Variants in WWOX observed in about 807,000 individuals in gnomAD.
The protein encoded by WWOX is WW domain-containing oxidoreductase.
A neutral mutation model predicts 46.2 loss-of-function variants in WWOX; 69 were observed. The ratio of observed to expected loss-of-function variants is 1.49; its 90% CI spans 1.23 to 1.82. The LOEUF is 1.82. Among genes scored for constraint, WWOX ranks in the 40% most tolerant of loss-of-function variants. The pLI is 0.00. For missense variants in WWOX, 919 were observed against 542.6 expected, an observed-to-expected ratio of 1.69 and a Z score of -6.89; for synonymous variants, 359 against 202.6, an observed-to-expected ratio of 1.77 and a Z score of -6.56.
chr16:78,446,375 C>T (rs920347566), intron 8 of WWOX, among the ~76,000 whole-genome samples: 29 of 152,146 alleles, frequency 1.9e-4, no homozygotes, highest in African/African-American at 5.8e-4. Flanking sequence ...CCTGAAGTCT[C>T]AGGTCCTTGT....
chr16:79,129,984 G>A (rs1037105683), intron 8 of WWOX, among the ~76,000 whole-genome samples: 1 of 152,192 alleles, frequency 6.6e-6, no homozygotes. Context: ...CTGTAAAATA[G>A]AGGTAATAAA....
At chr16:78,809,742 T>C (rs1422163287) in intron 8 of WWOX, among the ~76,000 whole-genome samples, 1 of 152,116 alleles carries the variant, frequency 6.6e-6, no homozygotes, top group East Asian at 1.9e-4. Flanking sequence ...GTCATGACAA[T>C]TTCTCAAAGC....
At chr16:79,075,629 T>G (rs2048641451) in intron 8 of WWOX, among the ~76,000 whole-genome samples, 1 of 152,042 alleles carries the variant, frequency 6.6e-6, no homozygotes, top group Admixed American at 6.6e-5. Flanking sequence ...CTTGGCTCAC[T>G]GCACCCTCCG....
intron 8 of WWOX, among the ~76,000 whole-genome samples, chr16:78,518,925 G>C (rs920108824): frequency 2.6e-5 from 4 of 152,176 alleles, no homozygotes; most frequent in African/African-American, 9.6e-5. Context: ...CATAGCTGTG[G>C]TCTTCTGAAG....
chr16:78,196,186 C>G lies in WWOX; in HGVS notation c.516+31897C>G, dbSNP rs77959059. Among the ~76,000 whole-genome samples the G allele has an allele frequency of 5.3e-5, 8 of 152,286 alleles. No individual in the cohort carries two copies. The East Asian group carries it at 1.5e-3, about 29-fold the overall frequency. ...AGAAAAGTTTAACTAGATGATTGTA[C>G]CTTTTAGCCATATCTACAATTAATT... On this transcript the variant is annotated intron_variant, in intron 5 of 8. Transcript: ENST00000566780.
intron 5 of WWOX, among the ~76,000 whole-genome samples, chr16:78,189,694 T>G (rs35072073): frequency 0.33 from 50,196 of 151,908 alleles, 8,472 homozygotes; most frequent in South Asian, 0.51. Flanking sequence ...TTGCTGTGTC[T>G]CCCAGGCTGG....
intron 8 of WWOX, among the ~76,000 whole-genome samples, chr16:79,162,174 A>G (rs2050499178): frequency 6.6e-6 from 1 of 152,174 alleles, no homozygotes; most frequent in Non-Finnish European, 1.5e-5. Flanking sequence ...TCTTGGCCCA[A>G]GAGATATTTT....
chr16:78,556,394 G>A (rs2044297664), intron 8 of WWOX, among the ~76,000 whole-genome samples: 2 of 152,182 alleles, frequency 1.3e-5, no homozygotes. Flanking sequence ...TGGGACTTGA[G>A]AGGAGCAGAG....
At chr16:78,103,092 C>T (rs2031904641) in intron 1 of WWOX, among the ~76,000 whole-genome samples, 2 of 152,138 alleles carry the variant, frequency 1.3e-5, no homozygotes, top group Admixed American at 1.3e-4. Context: ...CCTGCGCCTG[C>T]CTTCCTGCTG....
chr16:78,932,857 G>C (rs1337089467), intron 8 of WWOX, among the ~76,000 whole-genome samples: 1 of 152,176 alleles, frequency 6.6e-6, no homozygotes, highest in Non-Finnish European at 1.5e-5. Context: ...AGGTCATCTG[G>C]CCCAGCACCC....
chr16:78,318,210 A>C (rs1038841368), intron 5 of WWOX, among the ~76,000 whole-genome samples: 1 of 151,698 alleles, frequency 6.6e-6, no homozygotes, highest in Admixed American at 6.6e-5. Flanking sequence ...ACCATAATTA[A>C]ATGGCTGTGG....
chr16:78,963,202 C>G (rs1032376784), intron 8 of WWOX, among the ~76,000 whole-genome samples: 2 of 152,176 alleles, frequency 1.3e-5, no homozygotes, highest in African/African-American at 2.4e-5. Flanking sequence ...GGTGCAGTGG[C>G]TCACACCTGT....
At chr16:78,904,072 C>A (rs1354909441) in intron 8 of WWOX, among the ~76,000 whole-genome samples, 1 of 152,072 alleles carries the variant, frequency 6.6e-6, no homozygotes, top group Admixed American at 6.6e-5. Flanking sequence ...ACACCACGTA[C>A]AAAAGGGATC....
chr16:78,768,191 C>T (rs2049972686), intron 8 of WWOX, among the ~76,000 whole-genome samples: 1 of 141,898 alleles, frequency 7.0e-6, no homozygotes, highest in Admixed American at 7.6e-5. Flanking sequence ...CAAAGAAGTA[C>T]AGCCAGTATG....
intron 8 of WWOX, among the ~76,000 whole-genome samples, chr16:78,652,153 T>A (rs1272908860): frequency 6.6e-6 from 1 of 152,060 alleles, no homozygotes; most frequent in Non-Finnish European, 1.5e-5. Context: ...GGCTCACACC[T>A]GTAATCCCAG....
At chr16:79,208,119 C>G (rs1254442073) in intron 8 of WWOX, among the ~76,000 whole-genome samples, 1 of 152,076 alleles carries the variant, frequency 6.6e-6, no homozygotes, top group Non-Finnish European at 1.5e-5. Context: ...ACTCTTAATC[C>G]CAAACAAGAG....
chr16:78,250,379 T>C (rs1185175968), intron 5 of WWOX, among the ~76,000 whole-genome samples: 1 of 152,216 alleles, frequency 6.6e-6, no homozygotes, highest in Non-Finnish European at 1.5e-5. Flanking sequence ...GCCTTTGTTT[T>C]TTCCTCTGTA....
rs1220961423 is a variant in WWOX, at chr16:78,509,938, AAAAG to A, written c.1056+77194_1056+77197del. Among the ~76,000 whole-genome samples, 26 of 150,996 alleles carry A rather than the reference AAAAG, an allele frequency of 1.7e-4. 2 individuals carry two copies. Among genetic ancestry groups the A allele is most frequent in the Admixed American group, 1.1e-3 (17 of 15,140 alleles). ...CCTCATCTCTTTAAAAAAAAAAAAA[AAAAG>A]AAAGAAAAATTAGCTGGCATGGTGG... is the stretch of plus-strand genomic sequence containing the variant. On this transcript the variant is annotated intron_variant, in intron 8 of 8. Coordinates refer to ENST00000566780, the MANE Select transcript of WWOX (RefSeq NM_016373.4).
At chr16:79,012,744 C>T (rs2047336666) in intron 8 of WWOX, among the ~76,000 whole-genome samples, 1 of 152,252 alleles carries the variant, frequency 6.6e-6, no homozygotes, top group South Asian at 2.1e-4. Context: ...CTTTTTTCCT[C>T]CCCTGGTGGC....
Sources: gnomAD v4.1 joint callset for allele counts (sites outside exome capture counted in the v4.1 genomes callset) on GRCh38, gnomAD v4.1.1 for gene constraint, MANE v1.5 for transcripts, NCBI Gene and HGNC (gene_info 2026-07-23, HGNC 2026-07-21) for gene names.